IQGAP2: variants seen among roughly 807,000 people sequenced by gnomAD.
IQGAP2 encodes ras GTPase-activating-like protein IQGAP2.
In IQGAP2, 173 loss-of-function variants were observed where a neutral mutation model predicts 201.3. That is an observed-to-expected ratio of 0.86 (90% CI 0.76 to 0.98). IQGAP2 has a LOEUF of 0.98. Among genes scored for constraint, IQGAP2 ranks in the 50% least tolerant of loss-of-function variants. The pLI is 0.00. For synonymous variants in IQGAP2, 675 were observed against 673.9 expected (o/e 1.00, Z -0.03); for missense variants, 1,687 against 1,864.8 (o/e 0.90, Z 1.76).
chr5:76,704,297 A>G (rs1747686904), intron 35 of IQGAP2, among the ~76,000 whole-genome samples: 1 of 152,190 alleles, frequency 6.6e-6, no homozygotes, highest in South Asian at 2.1e-4. Context: ...GCCAAGAAGG[A>G]AATTATCCAG....
At chr5:76,706,418 G>A (rs1747902464) in intron 35 of IQGAP2, among the ~76,000 whole-genome samples, 1 of 152,024 alleles carries the variant, frequency 6.6e-6, no homozygotes, top group Non-Finnish European at 1.5e-5. Context: ...TGCAATCTCG[G>A]CTCGCTGCAA....
At chr5:76,510,451 T>G (rs1580352176) in intron 2 of IQGAP2, 1 of 301,112 alleles carries the variant, frequency 3.3e-6, no homozygotes, top group Non-Finnish European at 6.6e-6. Context: ...CGCCTGAGGG[T>G]CCCGGGCCAG....
chr5:76,655,717 G>T (rs182010755), intron 20 of IQGAP2, among the ~76,000 whole-genome samples: 53 of 152,230 alleles, frequency 3.5e-4, no homozygotes, highest in African/African-American at 1.3e-3. Context: ...AAAGTGCTGG[G>T]ATTACAGATT....
At chr5:76,673,046 A>G (rs1314493361) in intron 24 of IQGAP2, among the ~76,000 whole-genome samples, 1 of 152,076 alleles carries the variant, frequency 6.6e-6, no homozygotes, top group African/African-American at 2.4e-5. Flanking sequence ...CCTAAAACTT[A>G]AAGTATAATA....
intron 2 of IQGAP2, among the ~76,000 whole-genome samples, chr5:76,499,280 C>T (rs1458390611): frequency 6.6e-6 from 1 of 152,214 alleles, no homozygotes; most frequent in East Asian, 1.9e-4. Flanking sequence ...GAGAGGGTTT[C>T]TTCTGAAATG....
At chr5:76,563,587 G>A (rs760821498) in intron 3 of IQGAP2, among the ~76,000 whole-genome samples, 1 of 152,120 alleles carries the variant, frequency 6.6e-6, no homozygotes, top group Non-Finnish European at 1.5e-5. Flanking sequence ...AACCTAAAAG[G>A]CTCCTCCATT....
chr5:76,499,768 A>C lies in IQGAP2; in HGVS notation c.146+38099A>C, dbSNP rs112824259. ...AGAGCTGCCTCACAGAATTGTTACC[A>C]AGAGAATAGGCTCACAGTAAGAACT... On this transcript the variant is annotated intron_variant, in intron 2 of 35. Coordinates refer to ENST00000274364, the MANE Select transcript of IQGAP2 (RefSeq NM_006633.5). Among the ~76,000 whole-genome samples the C allele has an allele frequency of 3.5e-3, 536 of 152,282 alleles. 4 individuals are homozygous for C. The highest frequency in any genetic ancestry group is 0.013 in the African/African-American group (522 of 41,554).
intron 1 of IQGAP2, among the ~76,000 whole-genome samples, chr5:76,459,593 T>C (rs1428413809): frequency 1.3e-5 from 2 of 152,186 alleles, no homozygotes; most frequent in South Asian, 2.1e-4. Context: ...GATTAGGTGA[T>C]GGTATGTGAG....
chr5:76,637,312 G>GAACTGCAGCCACATTC, intron 16 of IQGAP2, 136 bp downstream of exon 16: 1 of 669,778 alleles, frequency 1.5e-6, no homozygotes, highest in Non-Finnish European at 2.3e-6. Flanking sequence ...AAGTCTTCAT[G>GAACTGCAGCCACATTC]AACTGCAGTT....
chr5:76,690,350 C>T (rs1037248662), intron 30 of IQGAP2, among the ~76,000 whole-genome samples: 3 of 152,182 alleles, frequency 2.0e-5, no homozygotes, highest in African/African-American at 7.2e-5. Context: ...ACAGTCTTGG[C>T]ATTTCTCTAT....
intron 2 of IQGAP2, among the ~76,000 whole-genome samples, chr5:76,549,259 C>T (rs985382925): frequency 6.6e-6 from 1 of 151,776 alleles, no homozygotes. Flanking sequence ...TTCAGTTACC[C>T]AAGGGGCACG....
intron 1 of IQGAP2, among the ~76,000 whole-genome samples, chr5:76,446,479 G>A (rs1454698740): frequency 2.0e-5 from 3 of 152,036 alleles, no homozygotes; most frequent in African/African-American, 7.2e-5. Flanking sequence ...ATATTTTGAC[G>A]AAGGAAGATT....
chr5:76,580,405 C>A (rs1369013226), intron 5 of IQGAP2, among the ~76,000 whole-genome samples: 1 of 152,184 alleles, frequency 6.6e-6, no homozygotes, highest in African/African-American at 2.4e-5. Flanking sequence ...TGCACTCCAG[C>A]CTGGGCAACA....
chr5:76,427,349 T>G (rs1396933751), intron 1 of IQGAP2, among the ~76,000 whole-genome samples: 20 of 152,158 alleles, frequency 1.3e-4, no homozygotes, highest in Admixed American at 1.2e-3. Flanking sequence ...ACTGGACCAA[T>G]TAGTGTTGTG....
intron 4 of IQGAP2, among the ~76,000 whole-genome samples, chr5:76,571,670 AC>A (rs2150273026): frequency 6.6e-6 from 1 of 152,350 alleles, no homozygotes; most frequent in South Asian, 2.1e-4. Flanking sequence ...GGAAATAATT[AC>A]ATTTGATAAA....
At chr5:76,678,671 G>A (rs924073787) in intron 28 of IQGAP2, among the ~76,000 whole-genome samples, 2 of 152,172 alleles carry the variant, frequency 1.3e-5, no homozygotes, top group Admixed American at 6.6e-5. Flanking sequence ...AGATGCTTCA[G>A]TTAAGGATGC....
rs367665778 is a variant in IQGAP2, at chr5:76,500,389, C to T, written c.146+38720C>T. Among the ~76,000 whole-genome samples the T allele has an allele frequency of 3.4e-4, 51 of 152,164 alleles. No individual in the cohort carries two copies. The East Asian group carries it at 7.0e-3, about 21-fold the overall frequency. On this transcript the variant is annotated intron_variant, in intron 2 of 35. Coordinates refer to ENST00000274364, the MANE Select transcript of IQGAP2 (RefSeq NM_006633.5). ...TATAACTTAAAATTTTTTTCTTATC[C>T]ATTGTAAAAAGCTTATAAAATATAG...
chr5:76,642,339 G>A (rs576050148), intron 17 of IQGAP2, among the ~76,000 whole-genome samples: 2 of 152,276 alleles, frequency 1.3e-5, no homozygotes, highest in African/African-American at 4.8e-5. Context: ...AACCAGGGCT[G>A]AAGGATGAGA....
At chr5:76,618,627 G>T in intron 13 of IQGAP2, 1 of 1,611,222 alleles carries the variant, frequency 6.2e-7, no homozygotes, top group East Asian at 2.2e-5. Flanking sequence ...CAAGTTGTTT[G>T]TATCATTTTC....
Sources: gnomAD v4.1 joint callset for allele counts (sites outside exome capture counted in the v4.1 genomes callset) on GRCh38, gnomAD v4.1.1 for gene constraint, MANE v1.5 for transcripts, NCBI Gene and HGNC (gene_info 2026-07-23, HGNC 2026-07-21) for gene names.